The following MRAS variants were observed in gnomAD, a reference collection of about 807,000 sequenced individuals.
MRAS encodes ras-related protein M-Ras.
MRAS carries 4 observed loss-of-function variants against 20.9 expected under a neutral mutation model. The ratio of observed to expected loss-of-function variants is 0.19; its 90% CI spans 0.09 to 0.44. MRAS has a LOEUF of 0.44. MRAS is among the 20% of genes least tolerant of loss of function. The probability of loss-of-function intolerance (pLI) is 0.99; values close to 1 mark genes in which losing one functional copy is unlikely to be tolerated. For synonymous variants in MRAS, 98 were observed against 102.9 expected, an observed-to-expected ratio of 0.95 and a Z score of 0.29; for missense variants, 154 against 277.5, an observed-to-expected ratio of 0.56 and a Z score of 3.16.
intron 2 of MRAS, among the ~76,000 whole-genome samples, chr3:138,386,578 G>T (rs888842371): frequency 1.3e-5 from 2 of 152,104 alleles, no homozygotes; most frequent in African/African-American, 2.4e-5. Flanking sequence ...CTGCCTCCTG[G>T]ATTCAAACAA....
At chr3:138,373,137 T>C in intron 2 of MRAS, 61 bp downstream of exon 2, 2 of 1,329,792 alleles carry the variant, frequency 1.5e-6, no homozygotes, top group Non-Finnish European at 2.0e-6. Flanking sequence ...ATCAGGGAAA[T>C]TTGACAGGTT....
intron 1 of MRAS, among the ~76,000 whole-genome samples, chr3:138,369,416 T>C (rs2054628616): frequency 6.6e-6 from 1 of 152,146 alleles, no homozygotes; most frequent in Non-Finnish European, 1.5e-5. Context: ...GCACAGAGGC[T>C]GCAGTGTGAC....
At chr3:138,374,490 T>C (rs910578649) in intron 2 of MRAS, among the ~76,000 whole-genome samples, 4 of 152,254 alleles carry the variant, frequency 2.6e-5, no homozygotes, top group African/African-American at 7.2e-5. Flanking sequence ...TAGATTCTGC[T>C]GGATTTTTCT....
At chr3:138,387,054 T>C (rs544319466) in intron 2 of MRAS, among the ~76,000 whole-genome samples, 4 of 152,316 alleles carry the variant, frequency 2.6e-5, no homozygotes, top group African/African-American at 4.8e-5. Flanking sequence ...TGCAAGCATG[T>C]GGAATTTATC....
At chr3:138,363,539 C>G (rs1023621010) in intron 1 of MRAS, among the ~76,000 whole-genome samples, 2 of 152,158 alleles carry the variant, frequency 1.3e-5, no homozygotes, top group Non-Finnish European at 2.9e-5. Flanking sequence ...ACAAAATACA[C>G]ACTGTGAGCC....
At chr3:138,394,187 G>T (rs907347150) in intron 2 of MRAS, among the ~76,000 whole-genome samples, 2 of 151,766 alleles carry the variant, frequency 1.3e-5, no homozygotes, top group African/African-American at 2.4e-5. Flanking sequence ...CCCGGTCCTT[G>T]GCTGTAGGTC....
chr3:138,383,254 A>G (rs1406253183), intron 2 of MRAS, among the ~76,000 whole-genome samples: 1 of 152,204 alleles, frequency 6.6e-6, no homozygotes, highest in Non-Finnish European at 1.5e-5. Context: ...GTCACCTTGC[A>G]AGGGCTTGGC....
At chr3:138,368,531 C>T (rs2054609430) in intron 1 of MRAS, among the ~76,000 whole-genome samples, 1 of 152,150 alleles carries the variant, frequency 6.6e-6, no homozygotes, top group African/African-American at 2.4e-5. Flanking sequence ...GAGGAGTATT[C>T]AGCACAGAAA....
At chr3:138,372,637 C>G (rs540340264) in intron 1 of MRAS, among the ~76,000 whole-genome samples, 94 of 152,324 alleles carry the variant, frequency 6.2e-4, no homozygotes, top group South Asian at 5.0e-3. Flanking sequence ...AACACCAGGC[C>G]TGGCACATAA....
chr3:138,382,392 A>T (rs780311983), intron 2 of MRAS, among the ~76,000 whole-genome samples: 3 of 152,218 alleles, frequency 2.0e-5, no homozygotes, highest in African/African-American at 4.8e-5. Flanking sequence ...TTTTACAAGG[A>T]TGCCTTATTT....
At chr3:138,355,414 G>A (rs2054311625) in intron 1 of MRAS, among the ~76,000 whole-genome samples, 1 of 152,346 alleles carries the variant, frequency 6.6e-6, no homozygotes, top group East Asian at 1.9e-4. Context: ...CCATGAGTTA[G>A]AACAGTGAGT....
chr3:138,404,078 G>A lies in MRAS; in HGVS notation c.*1809G>A, dbSNP rs1377342822. 4 of 152,206 alleles carry A rather than the reference G, an allele frequency of 2.6e-5. No homozygotes were observed. Among genetic ancestry groups the A allele is most frequent in the Non-Finnish European group, 5.9e-5 (4 of 68,046 alleles). 9.4% of individuals were successfully genotyped at this position (152,206 alleles called of 1,614,324 possible). On this transcript the variant is annotated 3_prime_UTR_variant, in exon 6 of 6. Coordinates refer to ENST00000423968, the MANE Select transcript of MRAS (RefSeq NM_001085049.3). ...AGGAAGGATAAGAGAGAACATTCCAGGTGAGGCACTTCAAAGTTTCCTTAG... is the reference window on the plus strand; with the variant it reads ...AGGAAGGATAAGAGAGAACATTCCAAGTGAGGCACTTCAAAGTTTCCTTAG...
intron 2 of MRAS, among the ~76,000 whole-genome samples, chr3:138,386,344 T>C (rs2055014069): frequency 2.0e-5 from 3 of 152,074 alleles, no homozygotes; most frequent in African/African-American, 4.8e-5. Context: ...AGACATTTCA[T>C]GGAAGCAGAA....
At chr3:138,384,216 A>G (rs926931201) in intron 2 of MRAS, among the ~76,000 whole-genome samples, 2 of 152,172 alleles carry the variant, frequency 1.3e-5, no homozygotes, top group South Asian at 4.2e-4. Context: ...ATGATCTAAC[A>G]TGTTTAAAAC....
chr3:138,364,060 G>C (rs1475581398), intron 1 of MRAS, among the ~76,000 whole-genome samples: 7 of 152,186 alleles, frequency 4.6e-5, no homozygotes, highest in African/African-American at 1.7e-4. Context: ...CATTCAGCAA[G>C]CCTTTGAGGG....
intron 3 of MRAS, 151 bp downstream of exon 3, chr3:138,397,628 T>C: frequency 1.0e-6 from 1 of 963,508 alleles, no homozygotes; most frequent in South Asian, 1.8e-5. Context: ...TTAAATCATT[T>C]GAAATCTGGT....
chr3:138,370,914 T>C (rs2054661712), intron 1 of MRAS, among the ~76,000 whole-genome samples: 1 of 152,218 alleles, frequency 6.6e-6, no homozygotes, highest in Non-Finnish European at 1.5e-5. Context: ...TTTTGCAGCC[T>C]GTCTTTTTTT....
At position 138,400,402 on chromosome 3, in the gene MRAS, T is replaced by A. The variant is rs139169120; in HGVS notation, c.448-132T>A. On this transcript the variant is annotated intron_variant, in intron 4 of 5. Transcript: ENST00000423968. ...AAGCCCTAAATGATGCTTGAGGCTATTGGGGGCTGGGGCTTCTGTGGGGGG... is the reference window on the plus strand; with the variant it reads ...AAGCCCTAAATGATGCTTGAGGCTAATGGGGGCTGGGGCTTCTGTGGGGGG... 7 of 749,586 alleles carry A rather than the reference T, an allele frequency of 9.3e-6. No homozygotes were observed. In the Admixed American group the frequency reaches 1.5e-4, roughly 16 times the overall value. The allele number at this position is 749,586 out of a possible 1,614,324, so 46.4% of individuals were successfully genotyped here.
intron 4 of MRAS, 94 bp downstream of exon 4, chr3:138,398,662 CT>C (rs2055293066): frequency 9.1e-7 from 1 of 1,102,476 alleles, no homozygotes; most frequent in Non-Finnish European, 1.4e-6. Flanking sequence ...AATGAAACTA[CT>C]GTTTATTGAA....
Sources: allele counts gnomAD v4.1 joint callset (sites outside exome capture counted in the v4.1 genomes callset), GRCh38; gene constraint gnomAD v4.1.1; transcripts MANE v1.5; gene names NCBI Gene and HGNC (gene_info 2026-07-23, HGNC 2026-07-21).